CCDC85A: variants seen among roughly 807,000 people sequenced by gnomAD.
CCDC85A encodes coiled-coil domain containing 85A.
CCDC85A carries 38 observed loss-of-function variants against 50.2 expected under a neutral mutation model. That is an observed-to-expected ratio of 0.76 (90% confidence interval 0.58 to 0.99). The LOEUF (loss-of-function observed/expected upper bound fraction) is 0.99, where lower values mean the gene tolerates loss of function less well. Among genes scored for constraint, CCDC85A ranks in the 50% least tolerant of loss-of-function variants. The probability of loss-of-function intolerance (pLI) is 0.00; values close to 1 mark genes in which losing one functional copy is unlikely to be tolerated. For missense variants in CCDC85A, 820 were observed against 742.0 expected (o/e 1.11, Z -1.22); for synonymous variants, 366 against 301.4 (o/e 1.21, Z -2.22).
intron 2 of CCDC85A, among the ~76,000 whole-genome samples, chr2:56,322,091 C>T (rs572776305): frequency 2.9e-4 from 44 of 152,102 alleles, no homozygotes; most frequent in South Asian, 6.2e-4. Context: ...GCTAGCCATA[C>T]GTAGAAAGCT....
chr2:56,300,521 C>T (rs758421958), intron 2 of CCDC85A, among the ~76,000 whole-genome samples: 6 of 152,110 alleles, frequency 3.9e-5, no homozygotes, highest in Non-Finnish European at 5.9e-5. Context: ...GTAGAAGAAG[C>T]TTACTCTAGA....
At chr2:56,370,021 A>G (rs1675996347) in intron 3 of CCDC85A, among the ~76,000 whole-genome samples, 1 of 152,134 alleles carries the variant, frequency 6.6e-6, no homozygotes, top group Admixed American at 6.5e-5. Context: ...TTCTCACACA[A>G]TGGGAGTGTT....
At chr2:56,216,737 CT>C (rs70955012) in intron 2 of CCDC85A, among the ~76,000 whole-genome samples, 33,297 of 140,768 alleles carry the variant, frequency 0.24, 4,121 homozygotes, top group African/African-American at 0.32. Context: ...TTATTTTTAT[CT>C]TTTTTTTTTT....
intron 3 of CCDC85A, among the ~76,000 whole-genome samples, chr2:56,359,402 A>G (rs1675415628): frequency 6.6e-6 from 1 of 152,184 alleles, no homozygotes; most frequent in Admixed American, 6.5e-5. Context: ...GGAAATTTGT[A>G]CTTTTTTGAA....
At position 56,228,324 on chromosome 2, in the gene CCDC85A, T is replaced by TATAATAATA. The variant is rs36058795; in HGVS notation, c.1240+34898_1240+34906dup. ...TGCACGTGTCCCCTAAAACTTAAAG[T>TATAATAATA]ATAATAATAATAATAATAATAAAAT... On this transcript the variant is annotated intron_variant, in intron 2 of 5. Transcript: ENST00000407595. 4.3e-3 allele frequency among the ~76,000 whole-genome samples: 637 copies of TATAATAATA among 148,050 alleles called. 3 individuals carry two copies. The highest frequency in any genetic ancestry group is 0.014 in the African/African-American group (561 of 40,452).
intron 3 of CCDC85A, among the ~76,000 whole-genome samples, chr2:56,362,802 T>G (rs926558094): frequency 6.6e-6 from 1 of 152,018 alleles, no homozygotes; most frequent in African/African-American, 2.4e-5. Context: ...GTATTTTTTT[T>G]TAGTGGAGAC....
chr2:56,334,084 C>G (rs1293095393), intron 2 of CCDC85A, among the ~76,000 whole-genome samples: 2 of 152,254 alleles, frequency 1.3e-5, no homozygotes, highest in African/African-American at 4.8e-5. Context: ...TTCCCTGACA[C>G]TGCTTCCTGA....
At chr2:56,221,273 A>G (rs578110096) in intron 2 of CCDC85A, among the ~76,000 whole-genome samples, 7 of 152,160 alleles carry the variant, frequency 4.6e-5, no homozygotes, top group African/African-American at 1.4e-4. Context: ...ATGAAGTTTT[A>G]TACCATATAT....
intron 2 of CCDC85A, among the ~76,000 whole-genome samples, chr2:56,222,880 A>C (rs1668386393): frequency 6.6e-6 from 1 of 152,144 alleles, no homozygotes. Context: ...ACTCATTTGA[A>C]ATTGCTTTCA....
At position 56,314,257 on chromosome 2, in the gene CCDC85A, A is replaced by ATG. The variant is rs201149193; in HGVS notation, c.1241-28617_1241-28616dup. Among the ~76,000 whole-genome samples, 1,398 of 151,508 alleles carry ATG rather than the reference A, an allele frequency of 9.2e-3. 29 individuals are homozygous for ATG. The highest frequency in any genetic ancestry group is 0.032 in the African/African-American group (1,322 of 41,250). ...AACCTGTGGTCAGAGCTGGGGTCAG[A>ATG]TGTGTGATGGTATAGAAGAGATAGT... On this transcript the variant is annotated intron_variant, in intron 2 of 5. Transcript: ENST00000407595.
intron 3 of CCDC85A, among the ~76,000 whole-genome samples, chr2:56,359,932 G>C (rs888124291): frequency 6.6e-6 from 1 of 152,160 alleles, no homozygotes; most frequent in Admixed American, 6.5e-5. Context: ...GGACAGAGGA[G>C]AACAAAGGCT....
intron 3 of CCDC85A, among the ~76,000 whole-genome samples, chr2:56,343,946 C>G (rs184667941): frequency 1.3e-5 from 2 of 152,244 alleles, no homozygotes; most frequent in African/African-American, 4.8e-5. Flanking sequence ...TGTTTTTGAA[C>G]TACTTTTGCT....
At position 56,185,034 on chromosome 2, in the gene CCDC85A, C is replaced by A. The variant is rs959000386; in HGVS notation, c.276+134C>A. 2.4e-4 allele frequency: 253 copies of A among 1,069,072 alleles called. 2 individuals carry two copies. Among genetic ancestry groups the A allele is most frequent in the Admixed American group, 3.8e-4 (12 of 31,482 alleles). The allele number at this position is 1,069,072 out of a possible 1,614,324, so 66.2% of individuals were successfully genotyped here. ...CCTTCTCCCGGTCGGCACCCCCTAC[C>A]CCCAGTCCCCAGCCCCTGTGTAACT... On this transcript the variant is annotated intron_variant, in intron 1 of 5. Transcript: ENST00000407595.
chr2:56,350,842 A>C (rs1259090940), intron 3 of CCDC85A, among the ~76,000 whole-genome samples: 2 of 121,240 alleles, frequency 1.6e-5, no homozygotes, highest in South Asian at 5.1e-4. Flanking sequence ...TTTCTTTTTT[A>C]TTTATTTATT....
intron 2 of CCDC85A, among the ~76,000 whole-genome samples, chr2:56,238,914 A>T (rs34380906): frequency 0.36 from 55,011 of 151,948 alleles, 10,568 homozygotes; most frequent in African/African-American, 0.42. Flanking sequence ...AGATTATTTA[A>T]CTCCTTTATA....
intron 2 of CCDC85A, among the ~76,000 whole-genome samples, chr2:56,252,514 G>T (rs527620753): frequency 6.6e-6 from 1 of 152,054 alleles, no homozygotes; most frequent in Non-Finnish European, 1.5e-5. Context: ...AAGGAGAATT[G>T]CACTATGATC....
intron 2 of CCDC85A, among the ~76,000 whole-genome samples, chr2:56,336,917 G>A (rs1254316475): frequency 6.6e-6 from 1 of 152,212 alleles, no homozygotes; most frequent in Non-Finnish European, 1.5e-5. Flanking sequence ...ATTTATCTAT[G>A]TATGTTACTT....
intron 2 of CCDC85A, among the ~76,000 whole-genome samples, chr2:56,209,662 A>C (rs1421976374): frequency 1.3e-5 from 2 of 152,046 alleles, no homozygotes; most frequent in East Asian, 3.9e-4. Context: ...TTAGTTTAAG[A>C]CTGAAGGGGA....
intron 2 of CCDC85A, among the ~76,000 whole-genome samples, chr2:56,286,967 C>A (rs1011057211): frequency 6.6e-6 from 1 of 152,174 alleles, no homozygotes; most frequent in East Asian, 1.9e-4. Context: ...CCTACAGACA[C>A]GACCTTTACT....
Sources: gnomAD v4.1 joint callset for allele counts (sites outside exome capture counted in the v4.1 genomes callset) on GRCh38, gnomAD v4.1.1 for gene constraint, MANE v1.5 for transcripts, NCBI Gene and HGNC (gene_info 2026-07-23, HGNC 2026-07-21) for gene names.